The following GRM1 variants were observed in gnomAD, a reference collection of about 807,000 sequenced individuals.
The protein encoded by GRM1 is metabotropic glutamate receptor 1.
A neutral mutation model predicts 90.9 loss-of-function variants in GRM1; 33 were observed. The ratio of observed to expected loss-of-function variants is 0.36; its 90% confidence interval spans 0.28 to 0.49. The LOEUF (loss-of-function observed/expected upper bound fraction) is 0.49. Among genes scored for constraint, GRM1 ranks in the 20% least tolerant of loss-of-function variants. The pLI, the probability that GRM1 is intolerant of heterozygous loss-of-function variation, is 0.99. For missense variants in GRM1, 1,190 were observed against 1,534.3 expected (o/e 0.78, Z 3.75); for synonymous variants, 700 against 613.2 (o/e 1.14, Z -2.09).
At chr6:146,423,867 T>C in intron 7 of GRM1, among the ~76,000 whole-genome samples, 1 of 152,112 alleles carries the variant, frequency 6.6e-6, no homozygotes, top group African/African-American at 2.4e-5. Flanking sequence ...AAAGCAGAGG[T>C]AAAGTGTTAA....
chr6:146,294,725 T>C (rs1410342486), intron 2 of GRM1, among the ~76,000 whole-genome samples: 1 of 152,162 alleles, frequency 6.6e-6, no homozygotes, highest in Non-Finnish European at 1.5e-5. Flanking sequence ...CTTTCTATCT[T>C]GCTATGTTAC....
At chr6:146,410,613 G>T (rs1220303688) in intron 7 of GRM1, among the ~76,000 whole-genome samples, 1 of 152,084 alleles carries the variant, frequency 6.6e-6, no homozygotes, top group Non-Finnish European at 1.5e-5. Flanking sequence ...TCTAGTAAAG[G>T]CCTTGGAGGT....
chr6:146,207,396 G>T (rs143431333), intron 2 of GRM1, among the ~76,000 whole-genome samples: 2 of 152,120 alleles, frequency 1.3e-5, no homozygotes, highest in Non-Finnish European at 2.9e-5. Context: ...CTTCTTTTGA[G>T]AAGTGTCTGT....
intron 7 of GRM1, among the ~76,000 whole-genome samples, chr6:146,400,745 T>G (rs1394251146): frequency 6.6e-6 from 1 of 152,124 alleles, no homozygotes; most frequent in Admixed American, 6.6e-5. Flanking sequence ...GCAGCATTAA[T>G]TTCACTCTTT....
At chr6:146,371,875 T>C (rs963615349) in intron 5 of GRM1, among the ~76,000 whole-genome samples, 1 of 152,100 alleles carries the variant, frequency 6.6e-6, no homozygotes, top group Non-Finnish European at 1.5e-5. Context: ...TGATGAACAT[T>C]TAGGTTGCTT....
At chr6:146,237,369 TC>T (rs1222830437) in intron 2 of GRM1, among the ~76,000 whole-genome samples, 1 of 152,072 alleles carries the variant, frequency 6.6e-6, no homozygotes, top group African/African-American at 2.4e-5. Flanking sequence ...TTCAAAGGAT[TC>T]CTTAAGTCAT....
intron 2 of GRM1, among the ~76,000 whole-genome samples, chr6:146,258,571 G>A (rs1439201801): frequency 6.6e-6 from 1 of 151,938 alleles, no homozygotes; most frequent in African/African-American, 2.4e-5. Context: ...CCAGGCTGTA[G>A]TACAGAGGCA....
At chr6:146,353,791 G>A (rs1159792656) in intron 4 of GRM1, among the ~76,000 whole-genome samples, 1 of 152,130 alleles carries the variant, frequency 6.6e-6, no homozygotes, top group Non-Finnish European at 1.5e-5. Context: ...CACCACACCT[G>A]GTTACTTTTT....
intron 1 of GRM1, among the ~76,000 whole-genome samples, chr6:146,112,687 C>T (rs1775603607): frequency 6.6e-6 from 1 of 152,154 alleles, no homozygotes; most frequent in African/African-American, 2.4e-5. Flanking sequence ...ACATTCAGAT[C>T]ACTCACTCAG....
chr6:146,245,489 A>C (rs1781025205), intron 2 of GRM1, among the ~76,000 whole-genome samples: 1 of 152,206 alleles, frequency 6.6e-6, no homozygotes, highest in Non-Finnish European at 1.5e-5. Context: ...ATTTATTGAT[A>C]CTGTTACCAA....
chr6:146,201,536 C>A (rs1196927586), intron 2 of GRM1, among the ~76,000 whole-genome samples: 4 of 152,126 alleles, frequency 2.6e-5, no homozygotes, highest in Non-Finnish European at 5.9e-5. Context: ...AGACAGAGAT[C>A]ATCTCTCTCA....
At chr6:146,163,163 G>A (rs1239820427) in intron 2 of GRM1, among the ~76,000 whole-genome samples, 2 of 152,080 alleles carry the variant, frequency 1.3e-5, no homozygotes, top group South Asian at 2.1e-4. Flanking sequence ...ATGAAATATA[G>A]CCAGCAGACC....
At chr6:146,167,693 G>A (rs1010332286) in intron 2 of GRM1, among the ~76,000 whole-genome samples, 1 of 151,980 alleles carries the variant, frequency 6.6e-6, no homozygotes, top group African/African-American at 2.4e-5. Context: ...CTTTTTTGGT[G>A]AAATATCCTT....
rs950895617 is a variant in GRM1 at position 146,055,284 on chromosome 6, C to T, written c.700+25067C>T. 5.9e-5 allele frequency among the ~76,000 whole-genome samples: 9 copies of T among 152,048 alleles called. No individual in the cohort carries two copies. In the East Asian group the frequency reaches 1.5e-3, roughly 26 times the overall value. On this transcript the variant is annotated intron_variant, in intron 1 of 7. Transcript: ENST00000282753. The stretch of plus-strand genomic sequence containing the variant: ...CATAATATTATGGATACAACTGGCA[C>T]ATAAGGAAGTTCTGTGGCCCAACCT...
chr6:146,218,436 G>T (rs894579258), intron 2 of GRM1, among the ~76,000 whole-genome samples: 2 of 152,180 alleles, frequency 1.3e-5, no homozygotes, highest in African/African-American at 4.8e-5. Flanking sequence ...TTGGGATAAA[G>T]ATGTTCTCTG....
chr6:146,061,473 C>A (rs913118346), intron 1 of GRM1, among the ~76,000 whole-genome samples: 1 of 151,820 alleles, frequency 6.6e-6, no homozygotes, highest in Non-Finnish European at 1.5e-5. Flanking sequence ...AAATGGGACC[C>A]AATTAAACTA....
At chr6:146,030,238 A>G (rs1435523751) in intron 1 of GRM1, 21 bp downstream of exon 1, 3 of 1,528,700 alleles carry the variant, frequency 2.0e-6, no homozygotes, top group African/African-American at 2.7e-5. Context: ...TATTTGGGAA[A>G]GAAGGGTACT....
chr6:146,031,411 G>T (rs1790702598), intron 1 of GRM1, among the ~76,000 whole-genome samples: 1 of 152,050 alleles, frequency 6.6e-6, no homozygotes, highest in Admixed American at 6.5e-5. Flanking sequence ...ATAATATTCA[G>T]TTACTGGCGT....
intron 2 of GRM1, among the ~76,000 whole-genome samples, chr6:146,186,056 C>G (rs1351742322): frequency 6.7e-6 from 1 of 149,356 alleles, no homozygotes; most frequent in Non-Finnish European, 1.5e-5. Flanking sequence ...TCAAGTGATT[C>G]TGCTGCATCA....
Sources: allele counts gnomAD v4.1 joint callset (sites outside exome capture counted in the v4.1 genomes callset), GRCh38; gene constraint gnomAD v4.1.1; transcripts MANE v1.5; gene names NCBI Gene and HGNC (gene_info 2026-07-23, HGNC 2026-07-21).